Variants in YIPF4 observed in about 807,000 individuals in gnomAD.
YIPF4 encodes the protein Yip1 domain family member 4.
YIPF4 carries 18 observed loss-of-function variants against 29.4 expected under a neutral mutation model. The observed-to-expected ratio is 0.61, with a 90% CI of 0.42 to 0.91. YIPF4 has a LOEUF of 0.91. Among genes scored for constraint, YIPF4 ranks in the 40% least tolerant of loss-of-function variants. The pLI, the probability that YIPF4 is intolerant of heterozygous loss-of-function variation, is 0.00. For missense variants in YIPF4, 279 were observed against 282.7 expected (o/e 0.99, Z 0.09); for synonymous variants, 115 against 104.7 (o/e 1.10, Z -0.60).
At chr2:32,287,048 C>T (rs1011503758) in intron 1 of YIPF4, among the ~76,000 whole-genome samples, 12 of 152,132 alleles carry the variant, frequency 7.9e-5, no homozygotes, top group Middle Eastern at 3.4e-3. Context: ...AGTTCAGGAC[C>T]AGACTGGCCA....
In YIPF4 at chr2:32,290,641, G is replaced by A. The variant is rs1197240167; in HGVS notation, c.233+5G>A. On this transcript the variant is annotated splice_donor_5th_base_variant and intron_variant, in intron 2 of 5. Transcript: ENST00000238831. ...TGAAGATAACAAGCCACTCTTGTAT[G>A]TAAAAATAATAATATATATTTTTTG... 7 of 1,456,480 alleles carry A rather than the reference G, an allele frequency of 4.8e-6. No homozygotes were observed. Among genetic ancestry groups the A allele is most frequent in the Non-Finnish European group, 6.3e-6 (7 of 1,104,862 alleles). 90.2% of individuals were successfully genotyped at this position (1,456,480 alleles called of 1,614,324 possible). A position where few individuals can be genotyped will look rare whatever the true frequency, so the allele number is the denominator to read the frequency against.
intron 1 of YIPF4, among the ~76,000 whole-genome samples, chr2:32,280,786 G>A (rs539105012): frequency 5.3e-5 from 8 of 152,212 alleles, no homozygotes; most frequent in East Asian, 1.9e-4. Flanking sequence ...CAGCCAAGCC[G>A]TAAATTTCTT....
At chr2:32,301,052 A>G (rs989320523) in intron 4 of YIPF4, among the ~76,000 whole-genome samples, 15 of 152,198 alleles carry the variant, frequency 9.9e-5, no homozygotes, top group African/African-American at 3.4e-4. Context: ...GTCCCTTTAA[A>G]TAATTCTACA....
chr2:32,286,545 A>T (rs2030678264), intron 1 of YIPF4, among the ~76,000 whole-genome samples: 1 of 152,128 alleles, frequency 6.6e-6, no homozygotes, highest in Non-Finnish European at 1.5e-5. Flanking sequence ...CAAGACTTTG[A>T]AAAAAACATT....
chr2:32,296,965 T>G (rs1359130134), intron 3 of YIPF4, among the ~76,000 whole-genome samples: 1 of 152,208 alleles, frequency 6.6e-6, no homozygotes, highest in Admixed American at 6.5e-5. Flanking sequence ...TCGCTCAGAT[T>G]TTTCAAGCTT....
At position 32,309,392 on chromosome 2, in the gene YIPF4, C is replaced by G. The variant is rs1445480194; in HGVS notation, c.*3766C>G. 6.6e-6 allele frequency: 1 copy of G among 152,168 alleles called. No individual in the cohort carries two copies. The highest frequency in any genetic ancestry group is 1.9e-4 in the East Asian group (1 of 5,202). The allele number at this position is 152,168 out of a possible 1,614,324, so 9.4% of individuals were successfully genotyped here. A position where few individuals can be genotyped will look rare whatever the true frequency, so the allele number is the denominator to read the frequency against. ...CTGAAAAAGTCTGAAACCTGAGAAACTCTGGTCCCAAGCATTTTGGAAAGG... is the reference window on the plus strand; with the variant it reads ...CTGAAAAAGTCTGAAACCTGAGAAAGTCTGGTCCCAAGCATTTTGGAAAGG... On this transcript the variant is annotated 3_prime_UTR_variant, in exon 6 of 6. Transcript: ENST00000238831.
At chr2:32,290,846 C>T in intron 2 of YIPF4, 1 of 252,716 alleles carries the variant, frequency 4.0e-6, no homozygotes, top group East Asian at 7.5e-5. Flanking sequence ...GAATGGTAAT[C>T]CTGTATCTCA....
At chr2:32,298,369 A>G in intron 4 of YIPF4, 58 bp downstream of exon 4, 1 of 1,278,644 alleles carries the variant, frequency 7.8e-7, no homozygotes, top group Non-Finnish European at 1.1e-6. Flanking sequence ...AGTTTTTGAT[A>G]CTGCAGATAT....
At chr2:32,294,146 G>T (rs1210275541) in intron 3 of YIPF4, among the ~76,000 whole-genome samples, 1 of 151,394 alleles carries the variant, frequency 6.6e-6, no homozygotes, top group Non-Finnish European at 1.5e-5. Context: ...CTCCCAGACG[G>T]GTCGGCTGGC....
At chr2:32,305,210 T>G (rs1376545459) in intron 5 of YIPF4, among the ~76,000 whole-genome samples, 1 of 152,178 alleles carries the variant, frequency 6.6e-6, no homozygotes, top group Admixed American at 6.6e-5. Flanking sequence ...AGTTATAATT[T>G]AACAGAACTA....
In YIPF4 at chr2:32,311,003, A is replaced by G. The variant is rs898745211; in HGVS notation, c.*5377A>G. 1.3e-5 allele frequency: 2 copies of G among 152,236 alleles called. No individual in the cohort carries two copies. The highest frequency in any genetic ancestry group is 4.8e-5 in the African/African-American group (2 of 41,474). 9.4% of individuals were successfully genotyped at this position (152,236 alleles called of 1,614,324 possible). ...TTTGAGAATCTCTTGACACTCTTCA[A>G]GTAAATCCCTAAATTACAACTTTGA... On this transcript the variant is annotated 3_prime_UTR_variant, in exon 6 of 6. Transcript: ENST00000238831.
chr2:32,288,827 G>A (rs1020828402), intron 1 of YIPF4, among the ~76,000 whole-genome samples: 5 of 151,632 alleles, frequency 3.3e-5, no homozygotes, highest in Admixed American at 1.3e-4. Flanking sequence ...AAAATTAGCC[G>A]GGCATGGTTG....
At chr2:32,300,428 C>G (rs6759133) in intron 4 of YIPF4, among the ~76,000 whole-genome samples, 1 of 146,740 alleles carries the variant, frequency 6.8e-6, no homozygotes, top group East Asian at 2.0e-4. Flanking sequence ...AGGAGGACTC[C>G]GTCTTTAAAA....
At position 32,315,458 on chromosome 2, in the gene YIPF4, T is replaced by C. The variant is rs2031804968; in HGVS notation, c.*9832T>C. 6.6e-6 allele frequency: 1 copy of C among 152,252 alleles called. No individual in the cohort carries two copies. The highest frequency in any genetic ancestry group is 2.1e-4 in the South Asian group (1 of 4,836). 9.4% of individuals were successfully genotyped at this position (152,252 alleles called of 1,614,324 possible). A position where few individuals can be genotyped will look rare whatever the true frequency, so the allele number is the denominator to read the frequency against. ...AGACATGGTAGGCCAGTCTGAAAAA[T>C]GTAAAGCTGGGCTGCGCGCGGTGGC... is the stretch of plus-strand genomic sequence containing the variant. On this transcript the variant is annotated 3_prime_UTR_variant, in exon 6 of 6. Transcript: ENST00000238831.
Position 32,292,268 on chromosome 2 carries a change from G to A in YIPF4, c.325G>A (p.Val109Met). 3.1e-6 allele frequency: 5 copies of A among 1,606,248 alleles called. No homozygotes were observed. Among genetic ancestry groups the A allele is most frequent in the Non-Finnish European group, 4.3e-6 (5 of 1,175,624 alleles). ...ATCACTTGGTTTTAATAGACAAGTG[G>A]TGAGAGACAATCCTGACTTTTGGGG... ...MPSLGFNRQV[V>M]RDNPDFWGPL... Residue 109 changes from valine to methionine, a missense_variant, in exon 3 of 6, where the codon GTG becomes ATG. Physicochemically the swap from Val to Met is conservative, Grantham distance 21. Coordinates refer to ENST00000238831, the MANE Select transcript of YIPF4 (RefSeq NM_032312.4).
At chr2:32,281,967 C>T (rs1043944801) in intron 1 of YIPF4, among the ~76,000 whole-genome samples, 1 of 149,290 alleles carries the variant, frequency 6.7e-6, no homozygotes, top group African/African-American at 2.5e-5. Context: ...GGGTCAGCTA[C>T]TCTGAGTCTC....
chr2:32,306,277 T>C lies in YIPF4; in HGVS notation c.*651T>C. 3.1e-6 allele frequency: 3 copies of C among 977,034 alleles called. No homozygotes were observed. Among genetic ancestry groups the C allele is most frequent in the Non-Finnish European group, 3.6e-6 (3 of 821,964 alleles). 60.5% of individuals were successfully genotyped at this position (977,034 alleles called of 1,614,324 possible). On this transcript the variant is annotated 3_prime_UTR_variant, in exon 6 of 6. Transcript: ENST00000238831. ...AATAACTACTAAAACTGATTTTTAA[T>C]AGTTGCTGATATATATTTGGTTTGT...
At chr2:32,293,936 G>A (rs1345865780) in intron 3 of YIPF4, among the ~76,000 whole-genome samples, 22 of 137,938 alleles carry the variant, frequency 1.6e-4, no homozygotes, top group African/African-American at 2.8e-4. Context: ...CTGGCCGGGC[G>A]GGGGGCTGAC....
intron 3 of YIPF4, among the ~76,000 whole-genome samples, chr2:32,295,348 AC>A (rs1007886294): frequency 2.6e-5 from 4 of 152,168 alleles, no homozygotes; most frequent in Non-Finnish European, 5.9e-5. Context: ...ATAAACTGCT[AC>A]AAGCTTAGTG....
Sources: gnomAD v4.1 joint callset for allele counts (sites outside exome capture counted in the v4.1 genomes callset) on GRCh38, gnomAD v4.1.1 for gene constraint, MANE v1.5 for transcripts, NCBI Gene and HGNC (gene_info 2026-07-23, HGNC 2026-07-21) for gene names.